CYP19A1: variants seen among roughly 807,000 people sequenced by gnomAD.
CYP19A1 encodes aromatase.
CYP19A1 carries 32 observed loss-of-function variants against 44.4 expected under a neutral mutation model. The observed-to-expected ratio is 0.72, with a 90% CI of 0.54 to 0.97. The LOEUF is 0.97. Ranked by LOEUF, CYP19A1 falls within the 50% of genes least tolerant of loss-of-function variation. The pLI, the probability that CYP19A1 is intolerant of heterozygous loss-of-function variation, is 0.00. For missense variants in CYP19A1, 598 were observed against 637.8 expected (o/e 0.94, Z 0.67); for synonymous variants, 212 against 215.6 (o/e 0.98, Z 0.14).
In CYP19A1 at chr15:51,223,678, G is replaced by A. The variant is rs144939278; in HGVS notation, c.452-1153C>T. On this transcript the variant is annotated intron_variant, in intron 4 of 9. Transcript: ENST00000396402. ...ATCCCCATGCCTAAAGGTATACTTT[G>A]CAAATAAGAAAGGAGGCCTGAGGAC... is the stretch of plus-strand genomic sequence containing the variant. Among the ~76,000 whole-genome samples the A allele has an allele frequency of 1.3e-3, 190 of 148,878 alleles. 1 individual carries two copies. Among genetic ancestry groups the A allele is most frequent in the African/African-American group, 4.6e-3 (184 of 40,400 alleles).
chr15:51,225,200 G>A (rs2032471072), intron 4 of CYP19A1, among the ~76,000 whole-genome samples: 1 of 152,168 alleles, frequency 6.6e-6, no homozygotes, highest in Non-Finnish European at 1.5e-5. Flanking sequence ...CATCTTGTTT[G>A]TCATTGTATC....
chr15:51,223,931 G>A (rs1231463297), intron 4 of CYP19A1, among the ~76,000 whole-genome samples: 1 of 152,164 alleles, frequency 6.6e-6, no homozygotes, highest in Non-Finnish European at 1.5e-5. Flanking sequence ...TTGCCTCTGT[G>A]TTTAAAGAGC....
chr15:51,262,521 C>T (rs1319967647), intron 1 of CYP19A1, among the ~76,000 whole-genome samples: 1 of 152,194 alleles, frequency 6.6e-6, no homozygotes, highest in Non-Finnish European at 1.5e-5. Flanking sequence ...TGCCCCTATT[C>T]TCTCCTCCTA....
Position 51,305,794 on chromosome 15 carries a change from C to G in CYP19A1, c.-39+32701G>C, listed in dbSNP as rs141811690. 3.4e-3 allele frequency among the ~76,000 whole-genome samples: 524 copies of G among 152,136 alleles called. 2 individuals carry two copies. Among genetic ancestry groups the G allele is most frequent in the African/African-American group, 0.012 (484 of 41,484 alleles). Reference sequence around the variant, plus strand: ...CAGGCTGGTCTCGAACTCCTGACCTCAGGTGATCCGCCCTCCTTGGTCTCC... The same window carrying G: ...CAGGCTGGTCTCGAACTCCTGACCTGAGGTGATCCGCCCTCCTTGGTCTCC... On this transcript the variant is annotated intron_variant, in intron 1 of 9. Coordinates refer to ENST00000396402, the MANE Select transcript of CYP19A1 (RefSeq NM_000103.4).
intron 5 of CYP19A1, among the ~76,000 whole-genome samples, chr15:51,219,965 G>T (rs1205039544): frequency 6.6e-6 from 1 of 152,184 alleles, no homozygotes; most frequent in Non-Finnish European, 1.5e-5. Context: ...CATCCAAATG[G>T]CCATCAGATG....
chr15:51,251,821 G>C (rs765749742), intron 1 of CYP19A1, among the ~76,000 whole-genome samples: 1 of 152,188 alleles, frequency 6.6e-6, no homozygotes, highest in Non-Finnish European at 1.5e-5. Context: ...TGAGGCCATA[G>C]AGATGTCCTA....
chr15:51,283,018 A>C (rs952284279), intron 1 of CYP19A1, among the ~76,000 whole-genome samples: 1 of 152,174 alleles, frequency 6.6e-6, no homozygotes, highest in East Asian at 1.9e-4. Context: ...GATAATTGGC[A>C]GAGATTTTAA....
At chr15:51,322,189 C>T (rs1357251517) in intron 1 of CYP19A1, among the ~76,000 whole-genome samples, 1 of 152,178 alleles carries the variant, frequency 6.6e-6, no homozygotes, top group Non-Finnish European at 1.5e-5. Flanking sequence ...CTGGCTGCTT[C>T]CCTGTGCATG....
At chr15:51,263,984 T>C (rs2034824828) in intron 1 of CYP19A1, among the ~76,000 whole-genome samples, 1 of 152,144 alleles carries the variant, frequency 6.6e-6, no homozygotes, top group South Asian at 2.1e-4. Flanking sequence ...TGGGAACAAC[T>C]GAGAGGTCAA....
intron 1 of CYP19A1, among the ~76,000 whole-genome samples, chr15:51,328,578 GT>G (rs2036650791): frequency 6.9e-6 from 1 of 144,542 alleles, no homozygotes; most frequent in South Asian, 2.2e-4. Context: ...GTGTGTGTGT[GT>G]GTGTGTACAT....
chr15:51,322,790 TG>T (rs1388239349), intron 1 of CYP19A1, among the ~76,000 whole-genome samples: 1 of 152,238 alleles, frequency 6.6e-6, no homozygotes, highest in East Asian at 1.9e-4. Context: ...TCTCACCAGC[TG>T]GATTCAGCAC....
At chr15:51,293,980 C>A (rs1372509768) in intron 1 of CYP19A1, 1 of 206,856 alleles carries the variant, frequency 4.8e-6, no homozygotes, top group East Asian at 1.7e-4. Flanking sequence ...GGCCGCCACC[C>A]CGTCTGGGAA....
At chr15:51,299,985 T>C (rs2141000158) in intron 1 of CYP19A1, among the ~76,000 whole-genome samples, 1 of 152,240 alleles carries the variant, frequency 6.6e-6, no homozygotes, top group East Asian at 1.9e-4. Context: ...ATTCATGCAG[T>C]TACATTTGTT....
At chr15:51,211,123 C>G (rs1399618396) in intron 9 of CYP19A1, 67 bp from the exon 10 acceptor site, 2 of 1,113,844 alleles carry the variant, frequency 1.8e-6, no homozygotes, top group African/African-American at 3.1e-5. Context: ...CTGTTTGATT[C>G]ATTCTGAAAA....
At chr15:51,316,478 A>G (rs763386884) in intron 1 of CYP19A1, among the ~76,000 whole-genome samples, 5 of 152,188 alleles carry the variant, frequency 3.3e-5, no homozygotes, top group Non-Finnish European at 5.9e-5. Flanking sequence ...AGGGCTTTAA[A>G]CTTCTTAGTG....
intron 1 of CYP19A1, among the ~76,000 whole-genome samples, chr15:51,323,082 C>T (rs1208757075): frequency 6.6e-6 from 1 of 152,242 alleles, no homozygotes; most frequent in Non-Finnish European, 1.5e-5. Context: ...AAAGAAGGAA[C>T]TTGACCTACT....
At chr15:51,318,103 A>C (rs139785536) in intron 1 of CYP19A1, among the ~76,000 whole-genome samples, 25 of 152,248 alleles carry the variant, frequency 1.6e-4, no homozygotes, top group African/African-American at 5.5e-4. Flanking sequence ...TCCCCTCACA[A>C]GGCTGTCACA....
intron 1 of CYP19A1, among the ~76,000 whole-genome samples, chr15:51,262,645 T>C (rs2034773201): frequency 6.6e-6 from 1 of 152,240 alleles, no homozygotes; most frequent in Non-Finnish European, 1.5e-5. Context: ...GCTAGGGTTA[T>C]TGATATACGA....
At chr15:51,312,728 A>G (rs2036338026) in intron 1 of CYP19A1, 1 of 152,338 alleles carries the variant, frequency 6.6e-6, no homozygotes, top group African/African-American at 2.4e-5. Flanking sequence ...TCCCGCTTCC[A>G]TTCCCTCCTT....
Sources: gnomAD v4.1 joint callset for allele counts (sites outside exome capture counted in the v4.1 genomes callset) on GRCh38, gnomAD v4.1.1 for gene constraint, MANE v1.5 for transcripts, NCBI Gene and HGNC (gene_info 2026-07-23, HGNC 2026-07-21) for gene names.